Variants in PTPN12 observed in about 807,000 individuals in gnomAD.
The protein encoded by PTPN12 is protein tyrosine phosphatase non-receptor type 12.
In PTPN12, 29 loss-of-function variants were observed where a neutral mutation model predicts 97.6. That is an observed-to-expected ratio of 0.30 (90% CI 0.22 to 0.41). The LOEUF (loss-of-function observed/expected upper bound fraction) is 0.41. PTPN12 is among the 10% of genes least tolerant of loss of function. The pLI is 1.00. For synonymous variants in PTPN12, 327 were observed against 300.4 expected (o/e 1.09, Z -0.91); for missense variants, 819 against 926.0 (o/e 0.88, Z 1.50).
chr7:77,549,445 T>G (rs1807374983), intron 1 of PTPN12, among the ~76,000 whole-genome samples: 1 of 152,166 alleles, frequency 6.6e-6, no homozygotes, highest in African/African-American at 2.4e-5. Flanking sequence ...AAGGTTTCTG[T>G]GTAGCAAACT....
intron 14 of PTPN12, among the ~76,000 whole-genome samples, chr7:77,634,520 A>T (rs1029427882): frequency 6.7e-6 from 1 of 149,998 alleles, no homozygotes; most frequent in Non-Finnish European, 1.5e-5. Context: ...GCTCACTGCA[A>T]GCTCCACCTC....
chr7:77,580,543 G>A (rs564256306), intron 2 of PTPN12, among the ~76,000 whole-genome samples: 1 of 152,116 alleles, frequency 6.6e-6, no homozygotes, highest in African/African-American at 2.4e-5. Context: ...ATGGGAGAGA[G>A]CCCTGGAATT....
intron 7 of PTPN12, among the ~76,000 whole-genome samples, chr7:77,598,630 C>G (rs977935917): frequency 1.3e-5 from 2 of 152,032 alleles, no homozygotes; most frequent in African/African-American, 4.8e-5. Flanking sequence ...TTGCAATAAG[C>G]CGAGATGGTG....
intron 2 of PTPN12, among the ~76,000 whole-genome samples, chr7:77,580,194 A>G (rs932607670): frequency 3.9e-5 from 6 of 152,222 alleles, no homozygotes; most frequent in East Asian, 3.8e-4. Context: ...GCTGAGTGCA[A>G]TGGTTCACAC....
At chr7:77,609,823 G>T (rs1788504847) in intron 9 of PTPN12, among the ~76,000 whole-genome samples, 1 of 151,560 alleles carries the variant, frequency 6.6e-6, no homozygotes, top group African/African-American at 2.4e-5. Flanking sequence ...GGAGCTTGCA[G>T]TGAGCGGATA....
intron 2 of PTPN12, among the ~76,000 whole-genome samples, chr7:77,579,288 A>ACT (rs1787437547): frequency 6.6e-6 from 1 of 151,634 alleles, no homozygotes; most frequent in African/African-American, 2.4e-5. Flanking sequence ...TGCCCTGCCA[A>ACT]TTTTTTTTGT....
chr7:77,629,988 A>G (rs913221577), intron 13 of PTPN12, among the ~76,000 whole-genome samples: 9 of 150,442 alleles, frequency 6.0e-5, no homozygotes, highest in Non-Finnish European at 1.3e-4. Flanking sequence ...GCACCCTACT[A>G]TGTGCCAGCT....
intron 4 of PTPN12, among the ~76,000 whole-genome samples, chr7:77,583,984 G>A (rs1244183989): frequency 6.6e-6 from 1 of 152,158 alleles, no homozygotes; most frequent in Non-Finnish European, 1.5e-5. Flanking sequence ...ACTCATTTGA[G>A]TCCCTCTTCT....
intron 11 of PTPN12, among the ~76,000 whole-genome samples, chr7:77,612,509 G>A (rs1788604235): frequency 1.3e-5 from 2 of 152,128 alleles, no homozygotes; most frequent in Non-Finnish European, 2.9e-5. Context: ...TGCAATCTTG[G>A]CTCACCGTAA....
chr7:77,633,637 GA>G, intron 14 of PTPN12, among the ~76,000 whole-genome samples: 1 of 151,436 alleles, frequency 6.6e-6, no homozygotes, highest in East Asian at 2.0e-4. Context: ...ACTTATTTAT[GA>G]AAACATTAAT....
chr7:77,622,631 C>T (rs1788979595), intron 12 of PTPN12, among the ~76,000 whole-genome samples: 3 of 150,922 alleles, frequency 2.0e-5, no homozygotes, highest in Admixed American at 6.7e-5. Flanking sequence ...ATTAGCTGGG[C>T]GTGGTGGTGT....
chr7:77,547,155 G>C (rs6974922), intron 1 of PTPN12, among the ~76,000 whole-genome samples: 8 of 151,994 alleles, frequency 5.3e-5, no homozygotes, highest in African/African-American at 1.9e-4. Flanking sequence ...CATGGTCTCT[G>C]TCATCCATCC....
chr7:77,581,371 C>T (rs2151330725), intron 2 of PTPN12, 56 bp from the exon 3 acceptor site: 1 of 1,193,112 alleles, frequency 8.4e-7, no homozygotes, highest in Admixed American at 2.0e-5. Flanking sequence ...ACTTACGCTT[C>T]ATTAGAAAAT....
chr7:77,584,267 T>TA (rs1201685440), intron 4 of PTPN12, among the ~76,000 whole-genome samples: 1 of 152,274 alleles, frequency 6.6e-6, no homozygotes, highest in African/African-American at 2.4e-5. Context: ...ATTTTTGTCT[T>TA]ACGGCTTTTT....
intron 1 of PTPN12, among the ~76,000 whole-genome samples, chr7:77,570,546 A>G (rs1477157128): frequency 6.6e-6 from 1 of 152,244 alleles, no homozygotes; most frequent in Non-Finnish European, 1.5e-5. Flanking sequence ...CTAACCCACA[A>G]ACTAGTTCTG....
At chr7:77,550,959 C>A (rs1435136629) in intron 1 of PTPN12, among the ~76,000 whole-genome samples, 1 of 152,202 alleles carries the variant, frequency 6.6e-6, no homozygotes, top group African/African-American at 2.4e-5. Context: ...ACTTTGTCTT[C>A]AGGATCATAC....
intron 5 of PTPN12, among the ~76,000 whole-genome samples, chr7:77,591,827 A>G (rs1787875995): frequency 1.3e-5 from 2 of 152,240 alleles, no homozygotes; most frequent in Admixed American, 1.3e-4. Flanking sequence ...GTTACAAGCA[A>G]TACAACTTAC....
Position 77,537,983 on chromosome 7 carries a change from G to A in PTPN12, c.99+338G>A, listed in dbSNP as rs138889710. 2.3e-3 allele frequency: 2,280 copies of A among 989,812 alleles called. 14 individuals are homozygous for A. Among genetic ancestry groups the A allele is most frequent in the Middle Eastern group, 5.4e-3 (11 of 2,024 alleles). The allele number at this position is 989,812 out of a possible 1,614,324, so 61.3% of individuals were successfully genotyped here. ...TAGGCAAGTGAGGTGCAGGCCGGGG[G>A]GGGGGGCTCGCGTTTCCACACCTCC... is the stretch of plus-strand genomic sequence containing the variant. On this transcript the variant is annotated intron_variant, in intron 1 of 17. Transcript: ENST00000248594.
intron 14 of PTPN12, among the ~76,000 whole-genome samples, chr7:77,634,423 T>C (rs939387502): frequency 6.6e-6 from 1 of 152,060 alleles, no homozygotes; most frequent in East Asian, 1.9e-4. Flanking sequence ...TTGGTTTTCT[T>C]TTTATTTATT....
Sources: allele counts gnomAD v4.1 joint callset (sites outside exome capture counted in the v4.1 genomes callset), GRCh38; gene constraint gnomAD v4.1.1; transcripts MANE v1.5; gene names NCBI Gene and HGNC (gene_info 2026-07-23, HGNC 2026-07-21).